TRPC3: variants seen among roughly 807,000 people sequenced by gnomAD.
The protein encoded by TRPC3 is transient receptor potential cation channel subfamily C member 3.
In TRPC3, 54 loss-of-function variants were observed where a neutral mutation model predicts 90.9. That is an observed-to-expected ratio of 0.59 (90% CI 0.48 to 0.75). The LOEUF is 0.75. Among genes scored for constraint, TRPC3 ranks in the 30% least tolerant of loss-of-function variants. The pLI is 0.00. For missense variants in TRPC3, 918 were observed against 1,194.5 expected, an observed-to-expected ratio of 0.77 and a Z score of 3.41; for synonymous variants, 424 against 450.9, an observed-to-expected ratio of 0.94 and a Z score of 0.75.
chr4:121,946,264 G>C (rs1261765491), intron 1 of TRPC3, among the ~76,000 whole-genome samples: 2 of 152,146 alleles, frequency 1.3e-5, no homozygotes, highest in African/African-American at 2.4e-5. Context: ...CTTCAGAAGA[G>C]AGCTAATGAA....
intron 9 of TRPC3, 126 bp from the exon 10 acceptor site, chr4:121,899,821 T>C: frequency 1.4e-6 from 1 of 730,422 alleles, no homozygotes. Flanking sequence ...TTGTGGAAGT[T>C]GAGCTTTGTA....
chr4:121,941,499 G>C (rs1730308903), intron 1 of TRPC3, among the ~76,000 whole-genome samples: 1 of 152,202 alleles, frequency 6.6e-6, no homozygotes, highest in African/African-American at 2.4e-5. Context: ...GTGGGGGAAA[G>C]TGTTAGACAA....
chr4:121,939,004 T>A (rs1730219550), intron 1 of TRPC3, among the ~76,000 whole-genome samples: 1 of 152,184 alleles, frequency 6.6e-6, no homozygotes, highest in Non-Finnish European at 1.5e-5. Context: ...TTCTTCACTA[T>A]CCTGTAAACA....
intron 3 of TRPC3, among the ~76,000 whole-genome samples, chr4:121,920,416 C>T (rs1441053427): frequency 3.3e-5 from 5 of 151,874 alleles, no homozygotes; most frequent in East Asian, 3.9e-4. Context: ...CCCAGCTACT[C>T]GGGAGGCTGA....
intron 1 of TRPC3, among the ~76,000 whole-genome samples, chr4:121,935,500 T>C (rs1196539529): frequency 2.0e-5 from 3 of 152,110 alleles, no homozygotes; most frequent in South Asian, 2.1e-4. Flanking sequence ...AAGAGAACTT[T>C]GTTTCAAGAC....
At chr4:121,949,548 G>T (rs925856402) in intron 1 of TRPC3, among the ~76,000 whole-genome samples, 3 of 152,040 alleles carry the variant, frequency 2.0e-5, no homozygotes, top group African/African-American at 7.2e-5. Flanking sequence ...AACAGTGGCC[G>T]GATTCTCCTC....
rs1299729626 is a variant in TRPC3 at position 121,878,344 on chromosome 4, A to C, written c.*1392T>G. 1.3e-5 allele frequency among the ~76,000 whole-genome samples: 2 copies of C among 152,222 alleles called. No individual in the cohort carries two copies. Among genetic ancestry groups the C allele is most frequent in the Non-Finnish European group, 2.9e-5 (2 of 68,046 alleles). ...TGTCTAAAGAGCTTTTCTGCATGAT[A>C]GCAATGATTTTAAAGTAGCATGTAT... On this transcript the variant is annotated 3_prime_UTR_variant, in exon 12 of 12. Transcript: ENST00000379645.
rs1163932789 is a variant in TRPC3, at chr4:121,875,889, A to ATTTTTTTTTTTTTTTTTTTTTTTTTTT, written c.*3820_*3846dup. On this transcript the variant is annotated 3_prime_UTR_variant, in exon 12 of 12. Coordinates refer to ENST00000379645, the MANE Select transcript of TRPC3 (RefSeq NM_001130698.2). ...ACAAAGTTATAAATACCCATTTTAGATTTTTTTTTTTTTTTTTTTTTTTTT... is the reference window on the plus strand; with the variant it reads ...ACAAAGTTATAAATACCCATTTTAGATTTTTTTTTTTTTTTTTTTTTTTTTTTTTTTTTTTTTTTTTTTTTTTTTTTT... Among the ~76,000 whole-genome samples the ATTTTTTTTTTTTTTTTTTTTTTTTTTT allele has an allele frequency of 1.3e-5, 1 of 75,094 alleles. No individual in the cohort carries two copies. Among genetic ancestry groups the ATTTTTTTTTTTTTTTTTTTTTTTTTTT allele is most frequent in the Non-Finnish European group, 2.5e-5 (1 of 39,980 alleles). The allele number at this position is 75,094 out of a possible 152,430, so 49.3% of individuals were successfully genotyped here.
chr4:121,881,201 T>C (rs1727931083), intron 11 of TRPC3, among the ~76,000 whole-genome samples: 1 of 152,182 alleles, frequency 6.6e-6, no homozygotes. Context: ...AAACACAAGT[T>C]ACTCAAACTC....
At chr4:121,908,760 G>A (rs1425798791) in intron 6 of TRPC3, among the ~76,000 whole-genome samples, 1 of 152,032 alleles carries the variant, frequency 6.6e-6, no homozygotes, top group Non-Finnish European at 1.5e-5. Flanking sequence ...AACATCTATT[G>A]GGTATATGCT....
At chr4:121,884,567 T>C (rs773112567) in intron 10 of TRPC3, among the ~76,000 whole-genome samples, 9 of 152,162 alleles carry the variant, frequency 5.9e-5, no homozygotes, top group East Asian at 3.8e-4. Context: ...GTAGAAAATA[T>C]ATACTTCAAT....
chr4:121,901,403 A>C (rs960741308), intron 9 of TRPC3, among the ~76,000 whole-genome samples: 4 of 152,204 alleles, frequency 2.6e-5, no homozygotes, highest in Admixed American at 1.3e-4. Context: ...TGAGGCATCC[A>C]GGTGCCGCAG....
At chr4:121,893,433 C>T (rs1728402335) in intron 10 of TRPC3, among the ~76,000 whole-genome samples, 1 of 151,958 alleles carries the variant, frequency 6.6e-6, no homozygotes, top group African/African-American at 2.4e-5. Context: ...TCAACACACC[C>T]AACTGTATAA....
chr4:121,905,963 C>T lies in TRPC3; in HGVS notation c.2057+1340G>A, dbSNP rs893249024. On this transcript the variant is annotated intron_variant, in intron 7 of 11. Transcript: ENST00000379645. ...ATTTAACCGTATCACAAAATTCTCCCGCTCCTTCCTCTTGCTCCTTTGCAA... is the reference window on the plus strand; with the variant it reads ...ATTTAACCGTATCACAAAATTCTCCTGCTCCTTCCTCTTGCTCCTTTGCAA... 9.2e-5 allele frequency among the ~76,000 whole-genome samples: 14 copies of T among 152,146 alleles called. No homozygotes were observed. In the South Asian group the frequency reaches 1.0e-3, roughly 11 times the overall value.
At chr4:121,919,909 C>T (rs188092829) in intron 3 of TRPC3, among the ~76,000 whole-genome samples, 4 of 152,140 alleles carry the variant, frequency 2.6e-5, no homozygotes, top group South Asian at 2.1e-4. Flanking sequence ...ACATAGCTCA[C>T]GGTGAAGTAG....
chr4:121,898,437 A>C (rs574090492), intron 10 of TRPC3, among the ~76,000 whole-genome samples: 1 of 152,288 alleles, frequency 6.6e-6, no homozygotes, highest in East Asian at 1.9e-4. Flanking sequence ...CATGTGACAG[A>C]TCTAGGGTGT....
At chr4:121,897,995 T>C (rs1357524169) in intron 10 of TRPC3, among the ~76,000 whole-genome samples, 4 of 151,994 alleles carry the variant, frequency 2.6e-5, no homozygotes, top group African/African-American at 9.7e-5. Flanking sequence ...ATCCCATCAT[T>C]TGCAGCAACA....
At chr4:121,921,979 C>T (rs1179406164) in intron 3 of TRPC3, among the ~76,000 whole-genome samples, 4 of 145,514 alleles carry the variant, frequency 2.7e-5, no homozygotes, top group African/African-American at 2.6e-5. Flanking sequence ...AGTGCAGTGG[C>T]GTGATCTTGG....
rs200026421 is a variant in TRPC3 at position 121,932,769 on chromosome 4, G to C, written c.489C>G (p.Thr163=). 33 of 1,613,392 alleles carry C rather than the reference G, an allele frequency of 2.0e-5. No homozygotes were observed. The highest frequency in any genetic ancestry group is 2.5e-5 in the Non-Finnish European group (30 of 1,179,646). The change falls in exon 2 of 12, where the codon ACC becomes ACG. Residue 163 remains threonine, a synonymous_variant. Coordinates refer to ENST00000379645, the MANE Select transcript of TRPC3 (RefSeq NM_001130698.2). This position sits in a 1 kb window ranked among gnomAD's most constrained non-coding sequence, Gnocchi z 7.7. The part of the protein sequence containing the change: ...LAVGNEHLEV[T]ELLLKKENLA... Reference sequence around the variant, plus strand: ...GGTTCTCCTTCTTGAGCAGCAGCTCGGTCACCTCCAGGTGCTCGTTGCCCA... The same window carrying C: ...GGTTCTCCTTCTTGAGCAGCAGCTCCGTCACCTCCAGGTGCTCGTTGCCCA...
Sources: allele counts gnomAD v4.1 joint callset (sites outside exome capture counted in the v4.1 genomes callset), GRCh38; gene constraint gnomAD v4.1.1; non-coding constraint Gnocchi (gnomAD v3.1); transcripts MANE v1.5; gene names NCBI Gene and HGNC (gene_info 2026-07-23, HGNC 2026-07-21).